Variants in MAD1L1 observed in about 807,000 individuals in gnomAD.
The protein encoded by MAD1L1 is mitotic spindle assembly checkpoint protein MAD1.
MAD1L1 carries 95 observed loss-of-function variants against 96.9 expected under a neutral mutation model. The ratio of observed to expected loss-of-function variants is 0.98; its 90% CI spans 0.83 to 1.16. MAD1L1 has a LOEUF of 1.16. MAD1L1 is among the 50% of genes most tolerant of loss of function. The pLI, the probability that MAD1L1 is intolerant of heterozygous loss-of-function variation, is 0.00. For synonymous variants in MAD1L1, 473 were observed against 396.6 expected (o/e 1.19, Z -2.29); for missense variants, 1,007 against 954.4 (o/e 1.06, Z -0.73).
At chr7:1,959,665 A>C (rs1252259075) in intron 15 of MAD1L1, among the ~76,000 whole-genome samples, 3 of 152,238 alleles carry the variant, frequency 2.0e-5, no homozygotes, top group South Asian at 4.1e-4. Flanking sequence ...AAATAACGAA[A>C]GAAATAAAAA....
chr7:1,889,799 C>T (rs1786424518), intron 18 of MAD1L1, among the ~76,000 whole-genome samples: 1 of 152,226 alleles, frequency 6.6e-6, no homozygotes, highest in Admixed American at 6.5e-5. Flanking sequence ...TCTAAGCAAG[C>T]ATGGTGGCTC....
At chr7:2,011,335 G>GC (rs1163030966) in intron 13 of MAD1L1, among the ~76,000 whole-genome samples, 1 of 152,180 alleles carries the variant, frequency 6.6e-6, no homozygotes, top group Non-Finnish European at 1.5e-5. Context: ...GTGCAGCCGC[G>GC]CCCCAACCTT....
At chr7:1,850,111 G>A (rs1232574143) in intron 18 of MAD1L1, among the ~76,000 whole-genome samples, 3 of 152,256 alleles carry the variant, frequency 2.0e-5, no homozygotes, top group South Asian at 2.1e-4. Flanking sequence ...CACCACTCTC[G>A]TTCGCCTTAA....
At chr7:1,893,473 A>C (rs1786675847) in intron 18 of MAD1L1, among the ~76,000 whole-genome samples, 1 of 152,168 alleles carries the variant, frequency 6.6e-6, no homozygotes, top group African/African-American at 2.4e-5. Context: ...CATGGCCAGG[A>C]GGCTGGGGTT....
chr7:2,020,114 G>T (rs1782719210), intron 12 of MAD1L1, among the ~76,000 whole-genome samples: 1 of 152,332 alleles, frequency 6.6e-6, no homozygotes, highest in Non-Finnish European at 1.5e-5. Context: ...GACCACGGAG[G>T]GGCAGAGCCC....
chr7:2,036,985 C>T (rs1783465826), intron 12 of MAD1L1, among the ~76,000 whole-genome samples: 1 of 152,120 alleles, frequency 6.6e-6, no homozygotes, highest in Non-Finnish European at 1.5e-5. Context: ...GCTCCCCCCA[C>T]AGCACGAGCT....
At chr7:2,060,239 ATGCCGAGATACGCCG>A in intron 12 of MAD1L1, among the ~76,000 whole-genome samples, 1 of 150,568 alleles carries the variant, frequency 6.6e-6, no homozygotes, top group African/African-American at 2.5e-5. Context: ...AGATACGCCG[ATGCCGAGATACGCCG>A]ATGCCGAGAT....
At chr7:2,170,207 T>A in intron 10 of MAD1L1, among the ~76,000 whole-genome samples, 1 of 152,050 alleles carries the variant, frequency 6.6e-6, no homozygotes, top group East Asian at 1.9e-4. Context: ...AGAGAGCCCC[T>A]GAGGAAAGAA....
At chr7:2,055,145 G>A (rs1295162194) in intron 12 of MAD1L1, among the ~76,000 whole-genome samples, 2 of 152,184 alleles carry the variant, frequency 1.3e-5, no homozygotes, top group Non-Finnish European at 2.9e-5. Flanking sequence ...CAGCGAGGCG[G>A]TGCGTGCCAC....
At chr7:1,918,994 C>T (rs748549358) in intron 17 of MAD1L1, among the ~76,000 whole-genome samples, 6 of 152,254 alleles carry the variant, frequency 3.9e-5, no homozygotes, top group Non-Finnish European at 7.3e-5. Context: ...CAGGCTCTGG[C>T]GGCTCTTGCC....
At chr7:1,878,664 T>C (rs1303390950) in intron 18 of MAD1L1, among the ~76,000 whole-genome samples, 3 of 151,884 alleles carry the variant, frequency 2.0e-5, no homozygotes, top group African/African-American at 7.3e-5. Flanking sequence ...AAAACTCATA[T>C]TTAACAGCAT....
rs749868832 is a variant in MAD1L1 at position 2,014,601 on chromosome 7, G to T, written c.1260C>A (p.Ser420Arg). The part of the protein sequence containing the change: ...GMRAILGSYD[S>R]ELTPAEYSPQ... ...GTGAGTACTCGGCCGGGGTCAGCTC[G>T]CTGTCGTAGGACCCCAGGATGGCCC... The change falls in exon 13 of 19, where the codon AGC becomes AGA. Residue 420 changes from serine to arginine, a missense_variant. Ser to Arg is a moderately radical substitution (Grantham distance 110, BLOSUM62 -1). Transcript: ENST00000265854. 2 of 1,612,396 alleles carry T rather than the reference G, an allele frequency of 1.2e-6. No individual in the cohort carries two copies. Among genetic ancestry groups the T allele is most frequent in the South Asian group, 2.2e-5 (2 of 90,942 alleles).
chr7:1,876,847 G>A (rs1474479953), intron 18 of MAD1L1, among the ~76,000 whole-genome samples: 7 of 146,134 alleles, frequency 4.8e-5, no homozygotes, highest in Admixed American at 1.4e-4. Flanking sequence ...AAGGCCACAC[G>A]CACAGGATGT....
chr7:1,853,701 G>A (rs1427583154), intron 18 of MAD1L1, among the ~76,000 whole-genome samples: 3 of 152,134 alleles, frequency 2.0e-5, no homozygotes, highest in African/African-American at 7.2e-5. Context: ...GAGCTCAGAA[G>A]GACACTGCCT....
intron 18 of MAD1L1, among the ~76,000 whole-genome samples, chr7:1,876,035 G>C (rs562170948): frequency 1.3e-5 from 2 of 152,326 alleles, no homozygotes; most frequent in South Asian, 2.1e-4. Context: ...TCAGCCTCCA[G>C]AATTGTGTGA....
At chr7:1,962,536 T>C (rs566703771) in intron 15 of MAD1L1, among the ~76,000 whole-genome samples, 1 of 152,166 alleles carries the variant, frequency 6.6e-6, no homozygotes, top group Non-Finnish European at 1.5e-5. Context: ...TGGGAGAAAA[T>C]ATTTGGAAAG....
At chr7:2,126,314 T>C (rs1247363900) in intron 11 of MAD1L1, among the ~76,000 whole-genome samples, 1 of 151,788 alleles carries the variant, frequency 6.6e-6, no homozygotes, top group Non-Finnish European at 1.5e-5. Flanking sequence ...TAGAAGGGGA[T>C]GGTAACAAGG....
At chr7:2,009,110 T>A (rs993706732) in intron 13 of MAD1L1, among the ~76,000 whole-genome samples, 1 of 152,116 alleles carries the variant, frequency 6.6e-6, no homozygotes, top group African/African-American at 2.4e-5. Flanking sequence ...TCTTTCCGGG[T>A]GGGACCACGT....
intron 5 of MAD1L1, chr7:2,220,890 C>T: frequency 6.2e-7 from 1 of 1,610,246 alleles, no homozygotes. Context: ...GCACCGTGTG[C>T]CAGGGGCAAG....
Sources: allele counts gnomAD v4.1 joint callset (sites outside exome capture counted in the v4.1 genomes callset), GRCh38; gene constraint gnomAD v4.1.1; transcripts MANE v1.5; gene names NCBI Gene and HGNC (gene_info 2026-07-23, HGNC 2026-07-21).